CD276: variants seen among roughly 807,000 people sequenced by gnomAD.
The protein encoded by CD276 is CD276 molecule.
Under a neutral mutation model 50.0 loss-of-function variants are expected in CD276, and 34 were observed. That is an observed-to-expected ratio of 0.68 (90% CI 0.52 to 0.91). The LOEUF is 0.91. CD276 is among the 40% of genes least tolerant of loss of function. The pLI is 0.00. For synonymous variants in CD276, 275 were observed against 313.0 expected, an observed-to-expected ratio of 0.88 and a Z score of 1.28; for missense variants, 634 against 717.5, an observed-to-expected ratio of 0.88 and a Z score of 1.33.
At chr15:73,702,100 A>T (rs1047266482) in intron 2 of CD276, among the ~76,000 whole-genome samples, 155 bp from the exon 3 acceptor site, 1 of 152,180 alleles carries the variant, frequency 6.6e-6, no homozygotes, top group African/African-American at 2.4e-5. Context: ...TATATTCTTG[A>T]CTGAATGAGG....
intron 1 of CD276, among the ~76,000 whole-genome samples, chr15:73,697,225 G>T (rs1246802724): frequency 6.6e-6 from 1 of 152,130 alleles, no homozygotes; most frequent in African/African-American, 2.4e-5. Context: ...AGGCTTTGAG[G>T]CCGGAAGCGT....
rs1043543524 is a variant in CD276, at chr15:73,708,488, ATG to A, written c.1504+22_1504+23del. 5.6e-6 allele frequency: 9 copies of A among 1,609,084 alleles called. No homozygotes were observed. In the African/African-American group the frequency reaches 6.7e-5, roughly 12 times the overall value. On this transcript the variant is annotated intron_variant, in intron 7 of 9. Coordinates refer to ENST00000318443, the MANE Select transcript of CD276 (RefSeq NM_001024736.2). ...GGAGAATGCAGGTGAGTGTGTGTGT[ATG>A]TGTGTGCGTGCGCATGCACACTTAT... is the stretch of plus-strand genomic sequence containing the variant.
chr15:73,694,152 C>T (rs1030007067), intron 1 of CD276, among the ~76,000 whole-genome samples: 1 of 152,174 alleles, frequency 6.6e-6, no homozygotes, highest in Admixed American at 6.5e-5. Flanking sequence ...TCCCCCTCCA[C>T]GTGCTTCATC....
rs772221210 is a variant in CD276, at chr15:73,704,155, C to T, written c.1073-21C>T. On this transcript the variant is annotated intron_variant, in intron 5 of 9. Coordinates refer to ENST00000318443, the MANE Select transcript of CD276 (RefSeq NM_001024736.2). This position sits in a 1 kb window ranked among gnomAD's most constrained non-coding sequence, Gnocchi z 4.1. ...CCCTGCCATTGCCCTGCCCTTGACC[C>T]CTGCCCTCTGTCACCTCCAGCTCCC... The T allele has an allele frequency of 2.4e-5, 38 of 1,604,402 alleles. No homozygotes were observed. Among genetic ancestry groups the T allele is most frequent in the Non-Finnish European group, 3.0e-5 (35 of 1,174,990 alleles).
At chr15:73,691,230 A>G (rs968755569) in intron 1 of CD276, among the ~76,000 whole-genome samples, 1 of 135,554 alleles carries the variant, frequency 7.4e-6, no homozygotes, top group African/African-American at 2.8e-5. Flanking sequence ...CACATTTAAG[A>G]AAAAAAAAAA....
At chr15:73,685,590 A>C (rs547031530) in intron 1 of CD276, among the ~76,000 whole-genome samples, 1 of 152,016 alleles carries the variant, frequency 6.6e-6, no homozygotes, top group Non-Finnish European at 1.5e-5. Context: ...CTCTTCATTA[A>C]AGCCCGGGGT....
intron 9 of CD276, among the ~76,000 whole-genome samples, chr15:73,712,725 G>A (rs906533667): frequency 6.6e-6 from 1 of 152,162 alleles, no homozygotes; most frequent in Admixed American, 6.5e-5. Context: ...TCCCCCTCAG[G>A]TGCCCCGGCG....
At chr15:73,699,564 C>T (rs765583487) in intron 1 of CD276, 22 bp from the exon 2 acceptor site, 44 of 1,571,576 alleles carry the variant, frequency 2.8e-5, no homozygotes, top group Admixed American at 3.7e-5. Context: ...GAGACAAAGG[C>T]CTTGCGTCCT....
chr15:73,689,187 C>CGTGT (rs1567012263), intron 1 of CD276, among the ~76,000 whole-genome samples: 74 of 104,200 alleles, frequency 7.1e-4, no homozygotes, highest in African/African-American at 2.8e-3. Flanking sequence ...CTCTGTGCCT[C>CGTGT]CTGTGTGTGT....
chr15:73,689,267 C>T (rs1396705689), intron 1 of CD276, among the ~76,000 whole-genome samples: 1 of 150,904 alleles, frequency 6.6e-6, no homozygotes, highest in Non-Finnish European at 1.5e-5. Context: ...AGTTTTGCAG[C>T]CCCTGCACAT....
chr15:73,698,104 T>A (rs1410152816), intron 1 of CD276, among the ~76,000 whole-genome samples: 1 of 152,128 alleles, frequency 6.6e-6, no homozygotes, highest in Non-Finnish European at 1.5e-5. Flanking sequence ...TTTAGGGATG[T>A]CTGCCCTTCT....
chr15:73,689,170 T>C (rs1226864774), intron 1 of CD276, among the ~76,000 whole-genome samples: 1 of 150,170 alleles, frequency 6.7e-6, no homozygotes, highest in East Asian at 2.0e-4. Flanking sequence ...TTTCACTTTT[T>C]TCAGGGCTCT....
At chr15:73,712,684 G>C (rs1307060984) in intron 9 of CD276, among the ~76,000 whole-genome samples, 1 of 152,200 alleles carries the variant, frequency 6.6e-6, no homozygotes, top group African/African-American at 2.4e-5. Context: ...CTGTGGGCCT[G>C]TGGGTACTGA....
chr15:73,696,832 G>C (rs914713791), intron 1 of CD276, among the ~76,000 whole-genome samples: 1 of 152,174 alleles, frequency 6.6e-6, no homozygotes, highest in Non-Finnish European at 1.5e-5. Flanking sequence ...GCAGATTCCT[G>C]TCTTAGGTCC....
In CD276 at chr15:73,703,089, T is replaced by G. The variant is rs775066760; in HGVS notation, c.733+3T>G. The G allele has an allele frequency of 2.5e-6, 4 of 1,584,362 alleles. No homozygotes were observed. In the African/African-American group the frequency reaches 5.4e-5, roughly 21 times the overall value. ...CACACCCCAGAGAAGCCCCACAGGT[T>G]GCTTTGCTTAAATGTCCCCTTGGGG... On this transcript the variant is annotated splice_donor_region_variant and intron_variant, in intron 4 of 9. Coordinates refer to ENST00000318443, the MANE Select transcript of CD276 (RefSeq NM_001024736.2).
chr15:73,701,156 A>G (rs28640136), intron 2 of CD276, among the ~76,000 whole-genome samples: 29,778 of 151,214 alleles, frequency 0.2, 4,468 homozygotes, highest in African/African-American at 0.42. Flanking sequence ...TCGGCCTCCC[A>G]TGCCGGGCCT....
At chr15:73,689,188 C>CTGTTTGTG (rs371659611) in intron 1 of CD276, among the ~76,000 whole-genome samples, 18 of 142,714 alleles carry the variant, frequency 1.3e-4, no homozygotes, top group African/African-American at 4.5e-4. Flanking sequence ...TCTGTGCCTC[C>CTGTTTGTG]TGTGTGTGTG....
Position 73,703,046 on chromosome 15 carries a change from G to C in CD276, c.693G>C (p.Ala231=). The C allele has an allele frequency of 6.2e-7, 1 of 1,612,178 alleles. No individual in the cohort carries two copies. The highest frequency in any genetic ancestry group is 8.5e-7 in the Non-Finnish European group (1 of 1,179,080). ...GCAACCCCGTGCTGCAGCAGGATGC[G>C]CACAGCTCTGTCACCATCACACCCC... is the stretch of plus-strand genomic sequence containing the variant. ...LVRNPVLQQD[A]HSSVTITPQR... is the part of the protein sequence containing the mutation. The change falls in exon 4 of 10, where the codon GCG becomes GCC. Residue 231 remains alanine, a synonymous_variant. Transcript: ENST00000318443.
chr15:73,712,911 T>A, intron 9 of CD276, 23 bp from the exon 10 acceptor site: 1 of 1,612,998 alleles, frequency 6.2e-7, no homozygotes, highest in Non-Finnish European at 8.5e-7. Context: ...TTCCCTTTTT[T>A]TTCTTCCCAT....
Sources: allele counts gnomAD v4.1 joint callset (sites outside exome capture counted in the v4.1 genomes callset), GRCh38; gene constraint gnomAD v4.1.1; non-coding constraint Gnocchi (gnomAD v3.1); transcripts MANE v1.5; gene names NCBI Gene and HGNC (gene_info 2026-07-23, HGNC 2026-07-21).